Variants in LYPLAL1 observed in about 807,000 individuals in gnomAD.
LYPLAL1 encodes lysophospholipase like 1.
A neutral mutation model predicts 19.7 loss-of-function variants in LYPLAL1; 23 were observed. The observed-to-expected ratio is 1.17, with a 90% CI of 0.84 to 1.65. The LOEUF (loss-of-function observed/expected upper bound fraction) is 1.65, where lower values mean the gene tolerates loss of function less well. Ranked by LOEUF, LYPLAL1 falls within the 40% of genes most tolerant of loss-of-function variation. The pLI is 0.00. For synonymous variants in LYPLAL1, 119 were observed against 96.3 expected (o/e 1.24, Z -1.38); for missense variants, 355 against 279.4 (o/e 1.27, Z -1.93).
chr1:219,342,089 G>A, the LYPLAL1 span, among the ~76,000 whole-genome samples: 1 of 152,054 alleles, frequency 6.6e-6, no homozygotes, highest in Non-Finnish European at 1.5e-5. Context: ...CCACCTTGTG[G>A]TTAATAATTT....
At chr1:219,423,061 C>A in the LYPLAL1 span, among the ~76,000 whole-genome samples, 1 of 152,118 alleles carries the variant, frequency 6.6e-6, no homozygotes, top group Non-Finnish European at 1.5e-5. Flanking sequence ...AAACAGCAGT[C>A]TAAATTTTTC....
At chr1:219,214,625 AGATAT>A (rs1659221209), downstream of LYPLAL1, among the ~76,000 whole-genome samples, 1 of 151,654 alleles carries the variant, frequency 6.6e-6, no homozygotes, top group African/African-American at 2.4e-5. Flanking sequence ...TTTTGCTTAT[AGATAT>A]AAGTTGCATG....
At chr1:219,225,290 C>T in the LYPLAL1 span, 3 of 152,150 alleles carry the variant, frequency 2.0e-5, no homozygotes, top group South Asian at 2.1e-4. Context: ...ATGCTAATCT[C>T]TTCAAGTATT....
At chr1:219,362,969 A>G in the LYPLAL1 span, among the ~76,000 whole-genome samples, 1 of 152,198 alleles carries the variant, frequency 6.6e-6, no homozygotes, top group East Asian at 1.9e-4. Context: ...AAAATAACAA[A>G]GAAACTTTTT....
chr1:219,267,761 G>C, the LYPLAL1 span, among the ~76,000 whole-genome samples: 1 of 152,190 alleles, frequency 6.6e-6, no homozygotes, highest in Admixed American at 6.5e-5. Context: ...AAATTGCAGA[G>C]TAGAGATTCA....
At chr1:219,344,646 T>A in the LYPLAL1 span, among the ~76,000 whole-genome samples, 131 of 152,314 alleles carry the variant, frequency 8.6e-4, 5 homozygotes, top group East Asian at 0.024. Context: ...CAGCTCTATA[T>A]GTCTGGGACC....
At chr1:219,221,306 G>C in the LYPLAL1 span, among the ~76,000 whole-genome samples, 1 of 152,160 alleles carries the variant, frequency 6.6e-6, no homozygotes, top group African/African-American at 2.4e-5. Flanking sequence ...GAACCTCTAT[G>C]AATCAGGGGC....
chr1:219,228,299 A>G, the LYPLAL1 span, among the ~76,000 whole-genome samples: 1 of 152,190 alleles, frequency 6.6e-6, no homozygotes. Context: ...ATTACCTACA[A>G]TTGGGGATAG....
At chr1:219,403,561 G>A in the LYPLAL1 span, among the ~76,000 whole-genome samples, 10 of 152,166 alleles carry the variant, frequency 6.6e-5, no homozygotes, top group Admixed American at 2.0e-4. Flanking sequence ...GACTGCAATA[G>A]CAGTTTATGC....
At chr1:219,409,055 T>A in the LYPLAL1 span, among the ~76,000 whole-genome samples, 1 of 152,178 alleles carries the variant, frequency 6.6e-6, no homozygotes, top group African/African-American at 2.4e-5. Context: ...AGAAGTATAC[T>A]TTAATACTTC....
the LYPLAL1 span, among the ~76,000 whole-genome samples, chr1:219,253,969 G>A: frequency 2.2e-4 from 33 of 152,036 alleles, no homozygotes; most frequent in African/African-American, 7.7e-4. Context: ...CCTATGTTGG[G>A]TGCATATATA....
chr1:219,324,588 G>T, the LYPLAL1 span, among the ~76,000 whole-genome samples: 1 of 152,156 alleles, frequency 6.6e-6, no homozygotes, highest in Non-Finnish European at 1.5e-5. Context: ...AGCATGTTTT[G>T]TATTATAGTG....
chr1:219,280,416 A>G, the LYPLAL1 span, among the ~76,000 whole-genome samples: 2 of 152,168 alleles, frequency 1.3e-5, no homozygotes, highest in South Asian at 4.1e-4. Flanking sequence ...CTGCTTTTCC[A>G]GGATTTGAAT....
At chr1:219,306,817 TAG>T in the LYPLAL1 span, among the ~76,000 whole-genome samples, 1 of 84,056 alleles carries the variant, frequency 1.2e-5, no homozygotes, top group African/African-American at 5.1e-5. Flanking sequence ...TAGATATAGA[TAG>T]ATAGATAGAT....
chr1:219,203,788 G>A lies in LYPLAL1; in HGVS notation c.362-6744G>A, dbSNP rs115006865. ...TAGAAAGATTATGCTGACAACTCTG[G>A]AGGGCTGACTAGTCAGTGTGAAGGT... is the stretch of plus-strand genomic sequence containing the variant. On this transcript the variant is annotated intron_variant, in intron 3 of 4. Coordinates refer to ENST00000366928, the MANE Select transcript of LYPLAL1 (RefSeq NM_138794.5). Among the ~76,000 whole-genome samples, 672 of 152,232 alleles carry A rather than the reference G, an allele frequency of 4.4e-3. 2 individuals carry two copies. The highest frequency in any genetic ancestry group is 7.1e-3 in the Non-Finnish European group (482 of 68,002).
At chr1:219,239,185 ATAT>A in the LYPLAL1 span, among the ~76,000 whole-genome samples, 30 of 152,342 alleles carry the variant, frequency 2.0e-4, no homozygotes, top group South Asian at 4.6e-3. Context: ...GCCAGGAAAT[ATAT>A]TATTATTTCC....
the LYPLAL1 span, among the ~76,000 whole-genome samples, chr1:219,299,879 A>G: frequency 1.3e-5 from 2 of 152,164 alleles, no homozygotes; most frequent in African/African-American, 4.8e-5. Flanking sequence ...ATATATGCAC[A>G]CACACATAGG....
the LYPLAL1 span, among the ~76,000 whole-genome samples, chr1:219,278,527 A>G: frequency 2.0e-5 from 3 of 152,204 alleles, no homozygotes; most frequent in Non-Finnish European, 2.9e-5. Context: ...CACACAGCTC[A>G]TAAGTGATGG....
At chr1:219,336,860 T>C in the LYPLAL1 span, among the ~76,000 whole-genome samples, 1 of 152,010 alleles carries the variant, frequency 6.6e-6, no homozygotes, top group Admixed American at 6.6e-5. Flanking sequence ...TTTTGAGATA[T>C]AGGACTGTAT....
Sources: gnomAD v4.1 joint callset for allele counts (sites outside exome capture counted in the v4.1 genomes callset) on GRCh38, gnomAD v4.1.1 for gene constraint, MANE v1.5 for transcripts, NCBI Gene and HGNC (gene_info 2026-07-23, HGNC 2026-07-21) for gene names.